The following CFAP46 variants were observed in gnomAD, a reference collection of about 807,000 sequenced individuals.
The protein encoded by CFAP46 is cilia- and flagella-associated protein 46.
Under a neutral mutation model 325.7 loss-of-function variants are expected in CFAP46, and 245 were observed. That is an observed-to-expected ratio of 0.75 (90% CI 0.68 to 0.84). The LOEUF (loss-of-function observed/expected upper bound fraction) is 0.84. Ranked by LOEUF, CFAP46 falls within the 40% of genes least tolerant of loss-of-function variation. The pLI, the probability that CFAP46 is intolerant of heterozygous loss-of-function variation, is 0.00. For missense variants in CFAP46, 3,346 were observed against 3,543.0 expected, an observed-to-expected ratio of 0.94 and a Z score of 1.41; for synonymous variants, 1,523 against 1,495.9, an observed-to-expected ratio of 1.02 and a Z score of -0.42.
At chr10:132,858,749 C>T (rs1848683443) in intron 38 of CFAP46, among the ~76,000 whole-genome samples, 1 of 152,040 alleles carries the variant, frequency 6.6e-6, no homozygotes, top group Non-Finnish European at 1.5e-5. Flanking sequence ...GTGGGTGGTG[C>T]TGTATGTCTG....
Position 132,877,883 on chromosome 10 carries a change from G to A in CFAP46, c.4210C>T (p.Gln1404Ter). The A allele has an allele frequency of 6.5e-7, 1 of 1,548,486 alleles. No homozygotes were observed. The highest frequency in any genetic ancestry group is 8.7e-7 in the Non-Finnish European group (1 of 1,146,716). The change falls in exon 30 of 58, where the codon CAG (glutamine) becomes TAG (stop). Residue 1404 changes from glutamine (Q) to a stop codon, truncating the protein, a stop_gained and splice_region_variant. Coordinates refer to ENST00000368586, the MANE Select transcript of CFAP46 (RefSeq NM_001200049.3). LOFTEE classifies it high-confidence loss of function. The surrounding 1 kb of genome is among the most constrained non-coding windows in gnomAD (Gnocchi z 5.7). ...GKEEKVKEPK[Q>*]SQSPAPIKQL... is the part of the protein sequence containing the mutation. ...CACCGTGGCCACTTGGGCATCACCTGCTTGGGCTCCTTGACTTTCTCCTCC... is the reference window on the plus strand; with the variant it reads ...CACCGTGGCCACTTGGGCATCACCTACTTGGGCTCCTTGACTTTCTCCTCC...
chr10:132,835,171 G>T, intron 47 of CFAP46, 133 bp downstream of exon 47: 1 of 1,260,606 alleles, frequency 7.9e-7, no homozygotes, highest in Non-Finnish European at 1.1e-6. Context: ...GTGCCCGGGT[G>T]TTGGGATGGC....
chr10:132,865,135 C>T (rs1848794884), intron 35 of CFAP46, among the ~76,000 whole-genome samples: 1 of 152,242 alleles, frequency 6.6e-6, no homozygotes, highest in Non-Finnish European at 1.5e-5. Context: ...CTGCCTCACC[C>T]TCCCAGTGAA....
intron 55 of CFAP46, among the ~76,000 whole-genome samples, chr10:132,811,620 T>C (rs1157324605): frequency 1.3e-5 from 2 of 152,216 alleles, no homozygotes; most frequent in Non-Finnish European, 2.9e-5. Flanking sequence ...ACTCGCAGCC[T>C]GGCCGTTCCC....
intron 7 of CFAP46, among the ~76,000 whole-genome samples, chr10:132,935,964 C>T (rs1849996094): frequency 1.0e-5 from 1 of 95,968 alleles, no homozygotes; most frequent in African/African-American, 4.2e-5. Flanking sequence ...GCGATCTCCT[C>T]ACTCCCCTCA....
At chr10:132,834,225 C>A in intron 48 of CFAP46, 102 bp from the exon 49 acceptor site, 1 of 999,580 alleles carries the variant, frequency 1.0e-6, no homozygotes, top group Non-Finnish European at 1.5e-6. Flanking sequence ...GGCAGCAGCA[C>A]CACGAATCCC....
rs1304408424 is a variant in CFAP46, at chr10:132,877,964, T to C, written c.4129A>G (p.Arg1377Gly). 3 of 1,549,322 alleles carry C rather than the reference T, an allele frequency of 1.9e-6. No homozygotes were observed. The highest frequency in any genetic ancestry group is 2.4e-5 in the East Asian group (1 of 40,896). ...NERSKEKEKE[R>G]SKEKENERSK... ...CTCTCATTCTCCTTCTCTTTACTCC[T>C]CTCCTTCTCCTTCTCTTTACTCCTC... Residue 1377 changes from arginine to glycine, a missense_variant, in exon 30 of 58, where the codon AGG becomes GGG. Transcript: ENST00000368586. The surrounding 1 kb of genome is among the most constrained non-coding windows in gnomAD (Gnocchi z 5.7).
intron 11 of CFAP46, 97 bp downstream of exon 11, chr10:132,924,599 C>T: frequency 8.2e-7 from 1 of 1,212,414 alleles, no homozygotes. Context: ...GCTTGTGGCA[C>T]TGTCATGGCA....
At chr10:132,925,946 A>G (rs1487598099) in intron 10 of CFAP46, among the ~76,000 whole-genome samples, 2 of 152,204 alleles carry the variant, frequency 1.3e-5, no homozygotes, top group Non-Finnish European at 2.9e-5. Flanking sequence ...ACCCTGTGGC[A>G]CTTGCCGTGG....
intron 31 of CFAP46, among the ~76,000 whole-genome samples, chr10:132,873,109 C>T (rs1683295671): frequency 6.6e-6 from 1 of 152,184 alleles, no homozygotes. Context: ...AAGAAACACA[C>T]CCTTATGTGT....
intron 29 of CFAP46, 94 bp from the exon 30 acceptor site, chr10:132,878,181 C>G: frequency 1.7e-6 from 2 of 1,178,310 alleles, no homozygotes; most frequent in Non-Finnish European, 1.2e-6. Flanking sequence ...CGCTCAGACC[C>G]GCGGGGCTCC....
intron 54 of CFAP46, among the ~76,000 whole-genome samples, chr10:132,813,147 C>A (rs2134759546): frequency 6.6e-6 from 1 of 152,266 alleles, no homozygotes; most frequent in Non-Finnish European, 1.5e-5. Context: ...AACACCCCTA[C>A]TCGGGCGGGG....
intron 16 of CFAP46, among the ~76,000 whole-genome samples, chr10:132,916,970 C>A (rs1357290923): frequency 6.6e-6 from 1 of 152,238 alleles, no homozygotes; most frequent in Non-Finnish European, 1.5e-5. Flanking sequence ...ACAGTGGCTT[C>A]CCGGTATCAG....
intron 8 of CFAP46, among the ~76,000 whole-genome samples, chr10:132,931,391 CT>C (rs1849898940): frequency 1.4e-5 from 2 of 146,394 alleles, no homozygotes; most frequent in Non-Finnish European, 1.5e-5. Flanking sequence ...GAGCCTGGGC[CT>C]TCCTCCTCCC....
chr10:132,906,053 C>T (rs557176118), intron 22 of CFAP46, among the ~76,000 whole-genome samples: 1 of 152,340 alleles, frequency 6.6e-6, no homozygotes, highest in South Asian at 2.1e-4. Context: ...CCTGTCCATA[C>T]TGTTTTGGAA....
intron 21 of CFAP46, 25 bp from the exon 22 acceptor site, chr10:132,908,659 G>A (rs919157322): frequency 3.3e-6 from 5 of 1,513,742 alleles, no homozygotes; most frequent in Non-Finnish European, 4.4e-6. Context: ...CAAGAGAAGG[G>A]GCACCGTGTT....
At chr10:132,867,552 G>A (rs149268881) in intron 33 of CFAP46, 45 bp from the exon 34 acceptor site, 49 of 1,538,982 alleles carry the variant, frequency 3.2e-5, no homozygotes, top group African/African-American at 1.9e-4. Context: ...ACATGGCCAC[G>A]AAAATGTCCC....
chr10:132,913,151 T>A lies in CFAP46; in HGVS notation c.2228A>T (p.Tyr743Phe), dbSNP rs1367631763. The change falls in exon 18 of 58, where the codon TAC (tyrosine) becomes TTC (phenylalanine). Residue 743 changes from tyrosine to phenylalanine, a missense_variant. Coordinates refer to ENST00000368586, the MANE Select transcript of CFAP46 (RefSeq NM_001200049.3). ...CAGGTGGTGGTTGTGGTTCAGGACG[T>A]AGACCACGGCGTTCTGCACAATCCA... ...EAWIVQNAVV[Y>F]VLNHNHHLIL... 1 of 1,550,442 alleles carries A rather than the reference T, an allele frequency of 6.4e-7. No homozygotes were observed. The highest frequency in any genetic ancestry group is 8.7e-7 in the Non-Finnish European group (1 of 1,146,992).
At chr10:132,855,485 CTTT>C (rs2135182209) in intron 39 of CFAP46, among the ~76,000 whole-genome samples, 2 of 152,212 alleles carry the variant, frequency 1.3e-5, no homozygotes, top group South Asian at 4.1e-4. Context: ...CTGATAGATT[CTTT>C]TAACTGAGGG....
Sources: allele counts gnomAD v4.1 joint callset (sites outside exome capture counted in the v4.1 genomes callset), GRCh38; gene constraint gnomAD v4.1.1; non-coding constraint Gnocchi (gnomAD v3.1); transcripts MANE v1.5; gene names NCBI Gene and HGNC (gene_info 2026-07-23, HGNC 2026-07-21).